The following COL24A1 variants were observed in gnomAD, a reference collection of about 807,000 sequenced individuals.
COL24A1 encodes the protein collagen alpha-1(XXIV) chain.
A neutral mutation model predicts 253.9 loss-of-function variants in COL24A1; 224 were observed. The ratio of observed to expected loss-of-function variants is 0.88; its 90% CI spans 0.79 to 0.99. The LOEUF is 0.99. Ranked by LOEUF, COL24A1 falls within the 50% of genes least tolerant of loss-of-function variation. The probability of loss-of-function intolerance (pLI) is 0.00; values close to 1 mark genes in which losing one functional copy is unlikely to be tolerated. For synonymous variants in COL24A1, 685 were observed against 673.7 expected (o/e 1.02, Z -0.26); for missense variants, 2,131 against 2,068.5 (o/e 1.03, Z -0.59).
chr1:86,107,765 G>T (rs1052091099), intron 5 of COL24A1, among the ~76,000 whole-genome samples: 2 of 151,882 alleles, frequency 1.3e-5, no homozygotes, highest in African/African-American at 4.8e-5. Flanking sequence ...TCGATCTCCT[G>T]ACCTCGTGAT....
At chr1:85,768,282 A>G (rs1261930251) in intron 53 of COL24A1, among the ~76,000 whole-genome samples, 1 of 152,150 alleles carries the variant, frequency 6.6e-6, no homozygotes, top group East Asian at 1.9e-4. Flanking sequence ...AATCAAGGCA[A>G]GGAAGCTTAG....
At chr1:86,043,566 T>C (rs1205807262) in intron 12 of COL24A1, among the ~76,000 whole-genome samples, 1 of 151,998 alleles carries the variant, frequency 6.6e-6, no homozygotes, top group East Asian at 1.9e-4. Flanking sequence ...TCTCGCTCTG[T>C]TGCCAGGCTG....
chr1:85,826,656 G>A (rs2102030280), intron 43 of COL24A1, among the ~76,000 whole-genome samples: 1 of 151,664 alleles, frequency 6.6e-6, no homozygotes, highest in Non-Finnish European at 1.5e-5. Flanking sequence ...TTGTAAGTTG[G>A]ATTCCTAGGT....
At chr1:86,041,970 G>C (rs535127771) in intron 12 of COL24A1, among the ~76,000 whole-genome samples, 15 of 152,144 alleles carry the variant, frequency 9.9e-5, no homozygotes, top group Middle Eastern at 3.4e-3. Context: ...TTTTATTGAA[G>C]GCACAGAGAG....
intron 20 of COL24A1, among the ~76,000 whole-genome samples, chr1:85,974,961 C>T (rs1456247993): frequency 6.6e-6 from 1 of 152,040 alleles, no homozygotes; most frequent in Non-Finnish European, 1.5e-5. Context: ...CCTTTTATAT[C>T]AGACATTAAT....
intron 7 of COL24A1, among the ~76,000 whole-genome samples, chr1:86,085,745 T>C (rs925440950): frequency 3.3e-5 from 5 of 152,200 alleles, no homozygotes; most frequent in African/African-American, 1.2e-4. Flanking sequence ...CTTCAGTTCC[T>C]AGTAAAATAA....
chr1:85,784,199 G>A (rs1306617248), intron 49 of COL24A1, 33 bp from the exon 50 acceptor site: 3 of 1,610,976 alleles, frequency 1.9e-6, no homozygotes, highest in Non-Finnish European at 2.5e-6. Flanking sequence ...AATAATTATT[G>A]TACAATGGCA....
chr1:86,080,560 T>A (rs1305199887), intron 7 of COL24A1, among the ~76,000 whole-genome samples: 6 of 152,054 alleles, frequency 3.9e-5, no homozygotes, highest in Admixed American at 3.9e-4. Context: ...TATATACACT[T>A]ACTATGTACC....
Position 86,022,820 on chromosome 1 carries a change from A to G in COL24A1, c.2148+13T>C. On this transcript the variant is annotated intron_variant, in intron 16 of 59. Coordinates refer to ENST00000370571, the MANE Select transcript of COL24A1 (RefSeq NM_152890.7). ...GATAAAAATTATTTTTATAATATTAATATTTAAATCACCTTATCACCTTTG... is the reference window on the plus strand; with the variant it reads ...GATAAAAATTATTTTTATAATATTAGTATTTAAATCACCTTATCACCTTTG... 1 of 1,429,326 alleles carries G rather than the reference A, an allele frequency of 7.0e-7. No individual in the cohort carries two copies. Among genetic ancestry groups the G allele is most frequent in the Admixed American group, 2.7e-5 (1 of 37,144 alleles). 88.5% of individuals were successfully genotyped at this position (1,429,326 alleles called of 1,614,324 possible).
intron 7 of COL24A1, among the ~76,000 whole-genome samples, chr1:86,066,017 G>C (rs1701448985): frequency 6.6e-6 from 1 of 152,078 alleles, no homozygotes; most frequent in Non-Finnish European, 1.5e-5. Flanking sequence ...ACACAAAAAA[G>C]CAGATGCAGA....
At chr1:86,094,154 A>G (rs1703723843) in intron 5 of COL24A1, among the ~76,000 whole-genome samples, 1 of 152,200 alleles carries the variant, frequency 6.6e-6, no homozygotes, top group Non-Finnish European at 1.5e-5. Flanking sequence ...TACCCAAAGG[A>G]ATAGAAATCA....
At chr1:85,900,288 C>T (rs1571143685) in intron 28 of COL24A1, among the ~76,000 whole-genome samples, 1 of 152,102 alleles carries the variant, frequency 6.6e-6, no homozygotes, top group African/African-American at 2.4e-5. Context: ...GGCTAAATAG[C>T]CAAAGTAATC....
In COL24A1 at chr1:85,886,067, C is replaced by CA. The variant is rs1553214014; in HGVS notation, c.2976+3492_2976+3493insT. ...CCAAATTGTGTTCCACACACAATAACTTTTTTTTTTTTTGAGATGGAATCT... is the reference window on the plus strand; with the variant it reads ...CCAAATTGTGTTCCACACACAATAACATTTTTTTTTTTTTGAGATGGAATCT... On this transcript the variant is annotated intron_variant, in intron 32 of 59. Coordinates refer to ENST00000370571, the MANE Select transcript of COL24A1 (RefSeq NM_152890.7). 6.8e-5 allele frequency among the ~76,000 whole-genome samples: 10 copies of CA among 146,154 alleles called. No homozygotes were observed. In the East Asian group the frequency reaches 1.4e-3, roughly 21 times the overall value.
chr1:86,068,975 C>T (rs1701680173), intron 7 of COL24A1, among the ~76,000 whole-genome samples: 2 of 151,922 alleles, frequency 1.3e-5, no homozygotes, highest in African/African-American at 4.8e-5. Flanking sequence ...ACCAATGATA[C>T]CCAGTGAGTG....
At chr1:86,053,314 C>T (rs1032264232) in intron 10 of COL24A1, among the ~76,000 whole-genome samples, 2 of 151,970 alleles carry the variant, frequency 1.3e-5, no homozygotes, top group Admixed American at 6.6e-5. Flanking sequence ...AACTCAAGAA[C>T]TGAAGTCAGA....
At position 85,730,363 on chromosome 1, in the gene COL24A1, T is replaced by C. The variant is rs1231520264; in HGVS notation, c.*183A>G. The C allele has an allele frequency of 5.6e-6, 3 of 534,530 alleles. No homozygotes were observed. The highest frequency in any genetic ancestry group is 6.6e-5 in the Admixed American group (2 of 30,310). 33.1% of individuals were successfully genotyped at this position (534,530 alleles called of 1,614,324 possible). On this transcript the variant is annotated 3_prime_UTR_variant, in exon 60 of 60. Transcript: ENST00000370571. Reference sequence around the variant, plus strand: ...TTAAAAGAATTAAATACTTTATCAATCATAGTCCTTTAAAAATGCCTTTTC... The same window carrying C: ...TTAAAAGAATTAAATACTTTATCAACCATAGTCCTTTAAAAATGCCTTTTC...
At chr1:86,045,241 C>T (rs1233087265) in intron 12 of COL24A1, among the ~76,000 whole-genome samples, 1 of 152,134 alleles carries the variant, frequency 6.6e-6, no homozygotes, top group Non-Finnish European at 1.5e-5. Flanking sequence ...CTGCCCGACT[C>T]GGCCTCCCAA....
chr1:86,118,688 G>A (rs578037867), intron 3 of COL24A1, among the ~76,000 whole-genome samples: 18 of 152,236 alleles, frequency 1.2e-4, no homozygotes, highest in African/African-American at 3.9e-4. Flanking sequence ...AGGCAACCAA[G>A]AAAGAGGTTA....
chr1:86,006,569 T>C (rs1393888729), intron 19 of COL24A1, among the ~76,000 whole-genome samples: 1 of 152,058 alleles, frequency 6.6e-6, no homozygotes, highest in Non-Finnish European at 1.5e-5. Context: ...TAGCAGATAA[T>C]ACAGGAGAAA....
Sources: allele counts gnomAD v4.1 joint callset (sites outside exome capture counted in the v4.1 genomes callset), GRCh38; gene constraint gnomAD v4.1.1; transcripts MANE v1.5; gene names NCBI Gene and HGNC (gene_info 2026-07-23, HGNC 2026-07-21).